PDE9A: variants seen among roughly 807,000 people sequenced by gnomAD.
PDE9A encodes high affinity cGMP-specific 3',5'-cyclic phosphodiesterase 9A.
PDE9A carries 60 observed loss-of-function variants against 87.4 expected under a neutral mutation model. That is an observed-to-expected ratio of 0.69 (90% CI 0.56 to 0.85). The LOEUF (loss-of-function observed/expected upper bound fraction) is 0.85, where lower values mean the gene tolerates loss of function less well. Ranked by LOEUF, PDE9A falls within the 40% of genes least tolerant of loss-of-function variation. PDE9A has a pLI of 0.00. For missense variants in PDE9A, 665 were observed against 779.0 expected, an observed-to-expected ratio of 0.85 and a Z score of 1.74; for synonymous variants, 272 against 279.4, an observed-to-expected ratio of 0.97 and a Z score of 0.27.
At chr21:42,710,371 T>C (rs1040535178) in intron 4 of PDE9A, among the ~76,000 whole-genome samples, 2 of 143,484 alleles carry the variant, frequency 1.4e-5, no homozygotes, top group East Asian at 2.1e-4. Context: ...GTTGCGCCAC[T>C]GCACTCCAGT....
At chr21:42,764,419 G>A (rs1024484295) in intron 14 of PDE9A, among the ~76,000 whole-genome samples, 12 of 152,222 alleles carry the variant, frequency 7.9e-5, no homozygotes, top group Non-Finnish European at 1.5e-4. Flanking sequence ...AGGAGCAACC[G>A]TGAAGAGAGA....
chr21:42,664,295 G>C lies in PDE9A; in HGVS notation c.69+10412G>C, dbSNP rs569918937. ...CAGGGCTGATGACACGGGGCACGTT[G>C]GTCACAAAGTGCCAGTCTCAGCCTG... On this transcript the variant is annotated intron_variant, in intron 1 of 19. Coordinates refer to ENST00000291539, the MANE Select transcript of PDE9A (RefSeq NM_002606.3). Among the ~76,000 whole-genome samples, 3 of 152,310 alleles carry C rather than the reference G, an allele frequency of 2.0e-5. No homozygotes were observed. The South Asian group carries it at 6.2e-4, about 32-fold the overall frequency.
chr21:42,733,505 G>C, intron 7 of PDE9A, 79 bp downstream of exon 7: 1 of 804,186 alleles, frequency 1.2e-6, no homozygotes, highest in Non-Finnish European at 2.2e-6. Flanking sequence ...ACGGGGAGGA[G>C]TTCAGTGCCG....
At chr21:42,772,998 T>A (rs905442396) in intron 19 of PDE9A, among the ~76,000 whole-genome samples, 1 of 150,346 alleles carries the variant, frequency 6.7e-6, no homozygotes, top group Non-Finnish European at 1.5e-5. Flanking sequence ...TGGTGGCTCA[T>A]GCCTGCAATC....
At position 42,751,177 on chromosome 21, in the gene PDE9A, G is replaced by C. The variant is rs147667334; in HGVS notation, c.715G>C (p.Asp239His). Reference protein sequence around the residue: ...DNHKKLTPRRDVPTYPKYLLS... With the variant: ...DNHKKLTPRRHVPTYPKYLLS... Reference sequence around the variant, plus strand: ...CCACAAGAAGTTGACTCCTCGACGCGATGTTCCCACTTACCCCAAGGTAAG... The same window carrying C: ...CCACAAGAAGTTGACTCCTCGACGCCATGTTCCCACTTACCCCAAGGTAAG... Residue 239 changes from aspartate to histidine, a missense_variant, in exon 9 of 20, where the codon GAT (aspartate) becomes CAT (histidine). Coordinates refer to ENST00000291539, the MANE Select transcript of PDE9A (RefSeq NM_002606.3). 1.2e-6 allele frequency: 2 copies of C among 1,611,992 alleles called. No homozygotes were observed. Among genetic ancestry groups the C allele is most frequent in the Non-Finnish European group, 1.7e-6 (2 of 1,178,232 alleles).
At chr21:42,689,793 C>G (rs1464306483) in intron 3 of PDE9A, 1 of 985,266 alleles carries the variant, frequency 1.0e-6, no homozygotes, top group East Asian at 1.1e-4. Context: ...GCATGCCTTT[C>G]TGATAAAGAG....
intron 4 of PDE9A, among the ~76,000 whole-genome samples, chr21:42,715,752 T>C (rs1335271508): frequency 6.6e-6 from 1 of 151,808 alleles, no homozygotes; most frequent in Non-Finnish European, 1.5e-5. Flanking sequence ...TTTGGACAAA[T>C]ATATGATGAC....
chr21:42,706,772 C>G (rs553070959), intron 4 of PDE9A, among the ~76,000 whole-genome samples: 2,533 of 152,124 alleles, frequency 0.017, 49 homozygotes, highest in South Asian at 0.045. Context: ...TGAGCAGTCC[C>G]CCCTCCATCC....
At chr21:42,771,626 CT>C (rs1335171348) in intron 18 of PDE9A, among the ~76,000 whole-genome samples, 1 of 152,250 alleles carries the variant, frequency 6.6e-6, no homozygotes, top group Non-Finnish European at 1.5e-5. Context: ...ACCACCCCGT[CT>C]TTTCTGCCTG....
chr21:42,661,809 C>A (rs2057521373), intron 1 of PDE9A, among the ~76,000 whole-genome samples: 1 of 152,186 alleles, frequency 6.6e-6, no homozygotes, highest in South Asian at 2.1e-4. Context: ...TGCTGCTTTG[C>A]GAAGCTGTGT....
chr21:42,744,840 C>T (rs9983593), intron 8 of PDE9A, among the ~76,000 whole-genome samples: 131,332 of 152,214 alleles, frequency 0.86, 57,701 homozygotes, highest in East Asian at 0.94. Flanking sequence ...ATGAGCAGAG[C>T]GCATGCATTG....
At chr21:42,740,253 G>A (rs916152304) in intron 7 of PDE9A, among the ~76,000 whole-genome samples, 13 of 152,036 alleles carry the variant, frequency 8.6e-5, no homozygotes, top group African/African-American at 3.1e-4. Context: ...AGACCATCCT[G>A]GGCAACATGG....
rs1050642647 is a variant in PDE9A at position 42,659,433 on chromosome 21, C to T, written c.69+5550C>T. Among the ~76,000 whole-genome samples, 14 of 152,216 alleles carry T rather than the reference C, an allele frequency of 9.2e-5. No individual in the cohort carries two copies. Among genetic ancestry groups the T allele is most frequent in the South Asian group, 2.1e-4 (1 of 4,834 alleles). ...TCATCCGCCTTTCCCACTTGCCAGC[C>T]GGGAGGCCTGGGCAAAATCACTTTC... On this transcript the variant is annotated intron_variant, in intron 1 of 19. Transcript: ENST00000291539. The surrounding 1 kb of genome is among the most constrained non-coding windows in gnomAD (Gnocchi z 4.1).
chr21:42,712,095 A>T (rs1451225646), intron 4 of PDE9A, among the ~76,000 whole-genome samples: 3 of 120,906 alleles, frequency 2.5e-5, no homozygotes, highest in African/African-American at 5.4e-5. Flanking sequence ...TATGACTTTG[A>T]TTACTATTTT....
At chr21:42,769,307 GCACATA>G (rs2056699561) in intron 17 of PDE9A, 152 bp downstream of exon 17, 2 of 671,052 alleles carry the variant, frequency 3.0e-6, no homozygotes, top group Non-Finnish European at 5.0e-6. Flanking sequence ...GCACATACAG[GCACATA>G]CACATATACA....
At chr21:42,748,910 T>C (rs1407290608) in intron 8 of PDE9A, among the ~76,000 whole-genome samples, 1 of 152,216 alleles carries the variant, frequency 6.6e-6, no homozygotes, top group Non-Finnish European at 1.5e-5. Flanking sequence ...GTGCATAGCA[T>C]TCTTATTTTC....
intron 1 of PDE9A, among the ~76,000 whole-genome samples, chr21:42,655,149 AACAC>A (rs145975836): frequency 7.9e-5 from 12 of 151,836 alleles, no homozygotes; most frequent in Non-Finnish European, 1.0e-4. Flanking sequence ...TCCACTCACA[AACAC>A]ACACACGCAC....
In PDE9A at chr21:42,743,672, A is replaced by G. The variant is rs1373451774; in HGVS notation, c.569-104A>G. On this transcript the variant is annotated intron_variant, in intron 7 of 19. Coordinates refer to ENST00000291539, the MANE Select transcript of PDE9A (RefSeq NM_002606.3). Reference sequence around the variant, plus strand: ...GGTGTGGGGACCTCTGCACTGAGGTATATTCCTCCCTGGGAGCCACAGGGA... The same window carrying G: ...GGTGTGGGGACCTCTGCACTGAGGTGTATTCCTCCCTGGGAGCCACAGGGA... The G allele has an allele frequency of 6.9e-6, 5 of 722,334 alleles. No individual in the cohort carries two copies. The East Asian group carries it at 1.1e-4, about 16-fold the overall frequency. 44.7% of individuals were successfully genotyped at this position (722,334 alleles called of 1,614,324 possible).
At chr21:42,768,527 C>T in intron 16 of PDE9A, 1 of 1,305,856 alleles carries the variant, frequency 7.7e-7, no homozygotes, top group Non-Finnish European at 9.8e-7. Context: ...TGTCACCTGT[C>T]ACTGCTAATT....
Sources: gnomAD v4.1 joint callset for allele counts (sites outside exome capture counted in the v4.1 genomes callset) on GRCh38, gnomAD v4.1.1 for gene constraint, Gnocchi (gnomAD v3.1) non-coding constraint, MANE v1.5 for transcripts, NCBI Gene and HGNC (gene_info 2026-07-23, HGNC 2026-07-21) for gene names.